EXOC2: variants seen among roughly 807,000 people sequenced by gnomAD.
EXOC2 encodes the protein exocyst complex component 2.
In EXOC2, 70 loss-of-function variants were observed where a neutral mutation model predicts 131.8. That is an observed-to-expected ratio of 0.53 (90% CI 0.44 to 0.65). EXOC2 has a LOEUF of 0.65. EXOC2 is among the 30% of genes least tolerant of loss of function. The pLI, the probability that EXOC2 is intolerant of heterozygous loss-of-function variation, is 0.00. For synonymous variants in EXOC2, 411 were observed against 398.4 expected (o/e 1.03, Z -0.38); for missense variants, 923 against 1,108.6 (o/e 0.83, Z 2.38).
intron 11 of EXOC2, among the ~76,000 whole-genome samples, chr6:581,526 T>C (rs1275457407): frequency 1.3e-4 from 20 of 152,334 alleles, no homozygotes; most frequent in Middle Eastern, 3.4e-3. Context: ...CCCTATAGTG[T>C]GGGAAATCAT....
intron 22 of EXOC2, among the ~76,000 whole-genome samples, chr6:538,419 G>C (rs1766593620): frequency 6.6e-6 from 1 of 152,194 alleles, no homozygotes; most frequent in African/African-American, 2.4e-5. Flanking sequence ...CGCTATCTGA[G>C]AGTGAGGAAG....
At position 592,491 on chromosome 6, in the gene EXOC2, C is replaced by G. The variant is rs1406664241; in HGVS notation, c.1170G>C (p.Glu390Asp). Residue 390 changes from glutamate to aspartate, a missense_variant, in exon 11 of 28, where the codon GAG becomes GAC. Coordinates refer to ENST00000230449, the MANE Select transcript of EXOC2 (RefSeq NM_018303.6). ...TGCCTTTCAGATCTTTCACGTAGCC[C>G]TCTTTGCAACTGTGCATGAGCTGAA... ...WILQLMHSCK[E>D]GYVKDLKGNP... 6.2e-7 allele frequency: 1 copy of G among 1,613,932 alleles called. No individual in the cohort carries two copies. Among genetic ancestry groups the G allele is most frequent in the Non-Finnish European group, 8.5e-7 (1 of 1,179,900 alleles).
chr6:624,848 G>C (rs1283887586), intron 4 of EXOC2, among the ~76,000 whole-genome samples: 1 of 152,180 alleles, frequency 6.6e-6, no homozygotes, highest in Non-Finnish European at 1.5e-5. Flanking sequence ...CAGAATAACT[G>C]GATTTCGGAT....
At chr6:602,636 T>C (rs943446517) in intron 7 of EXOC2, among the ~76,000 whole-genome samples, 2 of 152,212 alleles carry the variant, frequency 1.3e-5, no homozygotes, top group African/African-American at 4.8e-5. Context: ...CTGATCTCTA[T>C]TTGCCAGCCT....
At chr6:580,211 T>C (rs1434218555) in intron 11 of EXOC2, among the ~76,000 whole-genome samples, 1 of 152,098 alleles carries the variant, frequency 6.6e-6, no homozygotes, top group Non-Finnish European at 1.5e-5. Flanking sequence ...CCAGCTAATT[T>C]TTGTATTTTT....
At chr6:627,127 C>T (rs182986629) in intron 4 of EXOC2, among the ~76,000 whole-genome samples, 6 of 151,808 alleles carry the variant, frequency 4.0e-5, no homozygotes, top group Non-Finnish European at 8.8e-5. Flanking sequence ...CAAAATAAAA[C>T]CCACATCAAC....
chr6:573,336 C>G (rs1237729041), intron 12 of EXOC2, among the ~76,000 whole-genome samples: 1 of 152,162 alleles, frequency 6.6e-6, no homozygotes, highest in Non-Finnish European at 1.5e-5. Flanking sequence ...GACCCACTCA[C>G]CATGTCCTCT....
chr6:659,427 C>T (rs1161261757), intron 1 of EXOC2, among the ~76,000 whole-genome samples: 1 of 152,168 alleles, frequency 6.6e-6, no homozygotes, highest in Non-Finnish European at 1.5e-5. Context: ...CGAAGGCTCG[C>T]ATTGTGAATT....
chr6:533,550 A>T (rs941885039), intron 22 of EXOC2, among the ~76,000 whole-genome samples: 3 of 151,984 alleles, frequency 2.0e-5, no homozygotes, highest in African/African-American at 7.3e-5. Context: ...AACAGGAAAG[A>T]CCCCTATCAG....
chr6:562,214 C>T (rs1219986499), intron 17 of EXOC2, among the ~76,000 whole-genome samples: 1 of 152,214 alleles, frequency 6.6e-6, no homozygotes, highest in South Asian at 2.1e-4. Context: ...ATGTGTCGGC[C>T]GCTGCCTGGC....
chr6:572,453 C>T, intron 13 of EXOC2, 67 bp downstream of exon 13: 1 of 1,531,010 alleles, frequency 6.5e-7, no homozygotes, highest in South Asian at 1.3e-5. Context: ...TCACTTAAAT[C>T]TAACATTTTA....
intron 23 of EXOC2, among the ~76,000 whole-genome samples, chr6:516,053 GA>G (rs1561805180): frequency 1.3e-5 from 2 of 152,200 alleles, no homozygotes; most frequent in African/African-American, 4.8e-5. Context: ...TGGGAAAGCA[GA>G]ACGTTTTTCA....
chr6:556,590 A>AACTCAAAAATGAGC (rs1757432155), intron 17 of EXOC2, 26 bp from the exon 18 acceptor site: 1 of 1,613,460 alleles, frequency 6.2e-7, no homozygotes, highest in Admixed American at 1.7e-5. Flanking sequence ...CATATTGTAA[A>AACTCAAAAATGAGC]ACTCAAAAAT....
chr6:498,278 G>A (rs1763852618), intron 24 of EXOC2, among the ~76,000 whole-genome samples: 1 of 152,094 alleles, frequency 6.6e-6, no homozygotes, highest in Non-Finnish European at 1.5e-5. Flanking sequence ...ATAAGCCCAT[G>A]GCAATTGATA....
intron 7 of EXOC2, among the ~76,000 whole-genome samples, chr6:605,774 G>C (rs1400285891): frequency 3.9e-5 from 6 of 152,082 alleles, no homozygotes; most frequent in African/African-American, 7.2e-5. Context: ...TGCTTCTCTA[G>C]TTCTTTTAAT....
At chr6:598,162 G>A (rs1217435476) in intron 9 of EXOC2, 39 bp from the exon 10 acceptor site, 21 of 1,511,204 alleles carry the variant, frequency 1.4e-5, no homozygotes, top group Non-Finnish European at 1.9e-5. Flanking sequence ...TTTACAGAAT[G>A]AAAATTTAAT....
intron 6 of EXOC2, among the ~76,000 whole-genome samples, chr6:612,808 G>A (rs955542185): frequency 5.9e-5 from 9 of 152,216 alleles, no homozygotes; most frequent in Non-Finnish European, 2.9e-5. Context: ...AGTCTGTTTC[G>A]GCTTTTTACC....
Position 662,831 on chromosome 6 carries a change from T to C in EXOC2, c.-43-24970A>G, listed in dbSNP as rs181399309. On this transcript the variant is annotated intron_variant, in intron 1 of 27. Coordinates refer to ENST00000230449, the MANE Select transcript of EXOC2 (RefSeq NM_018303.6). ...ATGATCAGAGCAGAATTAAATGAAATTGAAAAAACACCAACAAAATACAAA... is the reference window on the plus strand; with the variant it reads ...ATGATCAGAGCAGAATTAAATGAAACTGAAAAAACACCAACAAAATACAAA... 2.6e-5 allele frequency among the ~76,000 whole-genome samples: 4 copies of C among 151,688 alleles called. No homozygotes were observed. In the East Asian group the frequency reaches 5.8e-4, roughly 22 times the overall value.
At chr6:545,995 T>A (rs1439185976) in intron 22 of EXOC2, among the ~76,000 whole-genome samples, 1 of 152,172 alleles carries the variant, frequency 6.6e-6, no homozygotes, top group South Asian at 2.1e-4. Context: ...TTTTCTCAAA[T>A]TCCTTTTCAC....
Sources: gnomAD v4.1 joint callset for allele counts (sites outside exome capture counted in the v4.1 genomes callset) on GRCh38, gnomAD v4.1.1 for gene constraint, MANE v1.5 for transcripts, NCBI Gene and HGNC (gene_info 2026-07-23, HGNC 2026-07-21) for gene names.